The following LIFR variants were observed in gnomAD, a reference collection of about 807,000 sequenced individuals.
LIFR encodes LIF receptor subunit alpha.
Under a neutral mutation model 122.2 loss-of-function variants are expected in LIFR, and 84 were observed. The ratio of observed to expected loss-of-function variants is 0.69; its 90% CI spans 0.58 to 0.82. The LOEUF (loss-of-function observed/expected upper bound fraction) is 0.82. Ranked by LOEUF, LIFR falls within the 40% of genes least tolerant of loss-of-function variation. The pLI is 0.00. For synonymous variants in LIFR, 422 were observed against 434.7 expected (o/e 0.97, Z 0.36); for missense variants, 1,294 against 1,311.6 (o/e 0.99, Z 0.21).
At chr5:38,528,881 C>A in intron 2 of LIFR, 41 bp from the exon 3 acceptor site, 1 of 1,012,324 alleles carries the variant, frequency 9.9e-7, no homozygotes. Flanking sequence ...CACACACAGA[C>A]ACACATAAAC....
intron 6 of LIFR, among the ~76,000 whole-genome samples, chr5:38,511,045 T>C (rs1383608170): frequency 1.3e-5 from 2 of 152,168 alleles, no homozygotes; most frequent in Non-Finnish European, 2.9e-5. Flanking sequence ...AGTCTAAGGG[T>C]TGAAATTCAG....
Position 38,565,253 on chromosome 5 carries a change from A to G in LIFR, c.-20+30008T>C, listed in dbSNP as rs1037034. Among the ~76,000 whole-genome samples, 121 of 152,338 alleles carry G rather than the reference A, an allele frequency of 7.9e-4. 1 individual carries two copies. The highest frequency in any genetic ancestry group is 2.4e-3 in the African/African-American group (98 of 41,572). ...CAGATATAACAGTGAAAATTGTTCA[A>G]TGAAGATTCCTTTCCTGCAAGTGGT... On this transcript the variant is annotated intron_variant, in intron 1 of 19. Coordinates refer to the LIFR transcript ENST00000263409.
intron 2 of LIFR, among the ~76,000 whole-genome samples, chr5:38,601,648 C>T (rs920839099): frequency 6.6e-6 from 1 of 152,188 alleles, no homozygotes; most frequent in Non-Finnish European, 1.5e-5. Context: ...CCTCCTGGCT[C>T]CTTCCTCCAA....
At chr5:38,598,255 T>A (rs1302468697), upstream of LIFR, among the ~76,000 whole-genome samples, 1 of 57,372 alleles carries the variant, frequency 1.7e-5, no homozygotes, top group African/African-American at 1.1e-4. Flanking sequence ...ATTTTTTTTT[T>A]TTTTCTTTTT....
intron 4 of LIFR, among the ~76,000 whole-genome samples, 199 bp from the exon 5 acceptor site, chr5:38,523,781 T>C (rs1178177986): frequency 1.3e-5 from 2 of 152,156 alleles, no homozygotes; most frequent in African/African-American, 4.8e-5. Flanking sequence ...TAAAATGTCA[T>C]GGATATTTCA....
upstream of LIFR, among the ~76,000 whole-genome samples, chr5:38,559,332 A>G (rs1417686365): frequency 6.6e-6 from 1 of 152,214 alleles, no homozygotes; most frequent in Non-Finnish European, 1.5e-5. Flanking sequence ...TATGTTAGCA[A>G]TATTTGACCA....
chr5:38,582,438 G>A (rs6883402), intron 1 of LIFR, among the ~76,000 whole-genome samples: 17,796 of 152,032 alleles, frequency 0.12, 2,901 homozygotes, highest in African/African-American at 0.36. Context: ...TACTTACATC[G>A]TTTTCTTATT....
chr5:38,502,181 A>G (rs1175762492), intron 11 of LIFR, among the ~76,000 whole-genome samples: 3 of 152,180 alleles, frequency 2.0e-5, no homozygotes, highest in South Asian at 4.1e-4. Flanking sequence ...ATCATTTAAA[A>G]TATCTGTGAT....
In LIFR at chr5:38,479,371, T is replaced by C. The variant is rs1163332415; in HGVS notation, c.*2224A>G. ...TGAGTGATATTCTGCACTTTTTTCA[T>C]ACAGAAAAAAACAATGAAGTCTTGG... On this transcript the variant is annotated 3_prime_UTR_variant, in exon 20 of 20. Coordinates refer to ENST00000453190, the MANE Select transcript of LIFR (RefSeq NM_001127671.2). 8.7e-6 allele frequency: 2 copies of C among 230,178 alleles called. No individual in the cohort carries two copies. The highest frequency in any genetic ancestry group is 1.2e-4 in the East Asian group (2 of 16,276). 14.3% of individuals were successfully genotyped at this position (230,178 alleles called of 1,614,324 possible).
rs1351911069 is a variant in LIFR, at chr5:38,479,007, G to T, written c.*2588C>A. 2.2e-5 allele frequency: 5 copies of T among 231,408 alleles called. No homozygotes were observed. Among genetic ancestry groups the T allele is most frequent in the Non-Finnish European group, 4.3e-5 (5 of 116,932 alleles). 14.3% of individuals were successfully genotyped at this position (231,408 alleles called of 1,614,324 possible). A position where few individuals can be genotyped will look rare whatever the true frequency, so the allele number is the denominator to read the frequency against. Reference sequence around the variant, plus strand: ...GAGACCACCTTGTAAATGCAGGCATGCAACCTTCATTGACAAACAGCGCAC... The same window carrying T: ...GAGACCACCTTGTAAATGCAGGCATTCAACCTTCATTGACAAACAGCGCAC... On this transcript the variant is annotated 3_prime_UTR_variant, in exon 20 of 20. Coordinates refer to ENST00000453190, the MANE Select transcript of LIFR (RefSeq NM_001127671.2).
At chr5:38,548,757 T>G (rs990979961) in intron 1 of LIFR, among the ~76,000 whole-genome samples, 1 of 152,216 alleles carries the variant, frequency 6.6e-6, no homozygotes, top group East Asian at 1.9e-4. Flanking sequence ...GTATTGGCAA[T>G]GGAAGGCATT....
In LIFR at chr5:38,517,840, G is replaced by C. The variant is rs1746171802; in HGVS notation, c.561+5579C>G. Among the ~76,000 whole-genome samples, 3 of 57,764 alleles carry C rather than the reference G, an allele frequency of 5.2e-5. No individual in the cohort carries two copies. The Admixed American group carries it at 8.6e-4, about 16-fold the overall frequency. The allele number at this position is 57,764 out of a possible 152,430, so 37.9% of individuals were successfully genotyped here. A position where few individuals can be genotyped will look rare whatever the true frequency, so the allele number is the denominator to read the frequency against. Reference sequence around the variant, plus strand: ...CCACTGCACTCCAGCATGTGCAACAGAGCAAGACACTGTCTCAAAAAAAAA... The same window carrying C: ...CCACTGCACTCCAGCATGTGCAACACAGCAAGACACTGTCTCAAAAAAAAA... On this transcript the variant is annotated intron_variant, in intron 5 of 19. Coordinates refer to ENST00000453190, the MANE Select transcript of LIFR (RefSeq NM_001127671.2).
Position 38,481,586 on chromosome 5 carries a change from G to C in LIFR, c.*9C>G, listed in dbSNP as rs1743984823. The stretch of plus-strand genomic sequence containing the variant: ...TGAGATGGCTGACTGAAGTGACACG[G>C]TGACACTGTTAATCGTTTGGTTTGT... On this transcript the variant is annotated 3_prime_UTR_variant, in exon 20 of 20. Coordinates refer to ENST00000453190, the MANE Select transcript of LIFR (RefSeq NM_001127671.2). 6.2e-7 allele frequency: 1 copy of C among 1,613,960 alleles called. No individual in the cohort carries two copies. The highest frequency in any genetic ancestry group is 8.5e-7 in the Non-Finnish European group (1 of 1,179,950).
At chr5:38,553,858 A>T (rs1217730873) in intron 1 of LIFR, among the ~76,000 whole-genome samples, 9 of 151,418 alleles carry the variant, frequency 5.9e-5, no homozygotes, top group Non-Finnish European at 7.4e-5. Flanking sequence ...GAGCATGCTG[A>T]CGAGACCCCA....
In LIFR at chr5:38,530,512, TC is replaced by T; in HGVS notation, c.135del (p.Lys47ArgfsTer7). 1 of 1,612,494 alleles carries T rather than the reference TC, an allele frequency of 6.2e-7. No homozygotes were observed. The highest frequency in any genetic ancestry group is 8.5e-7 in the Non-Finnish European group (1 of 1,178,552). On this transcript the variant is annotated frameshift_variant, in exon 2 of 20. Coordinates refer to ENST00000453190, the MANE Select transcript of LIFR (RefSeq NM_001127671.2). LOFTEE classifies it high-confidence loss of function. ...GGAAGGCTGATGCACTTACCCTTTT[TC>T]TGGCTATTTACTTGATTCATTAGAT... ...LLYLMNQVNS[Q>X]KKGAPHDLKC...
chr5:38,486,327 AACC>A (rs1744285013), intron 16 of LIFR, among the ~76,000 whole-genome samples: 1 of 152,194 alleles, frequency 6.6e-6, no homozygotes, highest in Admixed American at 6.5e-5. Context: ...AAAGCATGAA[AACC>A]ACCACAACCA....
Position 38,511,843 on chromosome 5 carries a change from T to C in LIFR, c.683A>G (p.His228Arg), listed in dbSNP as rs752960217. ...VEIRCYIDNL[H>R]FSGLEEWSDW... Reference sequence around the variant, plus strand: ...ACTCCACTCTTCGAGACCAGAAAAATGAAGATTGTCAATGTAGCATCTAAT... The same window carrying C: ...ACTCCACTCTTCGAGACCAGAAAAACGAAGATTGTCAATGTAGCATCTAAT... Residue 228 changes from histidine to arginine, a missense_variant, in exon 6 of 20, where the codon CAT becomes CGT. Coordinates refer to ENST00000453190, the MANE Select transcript of LIFR (RefSeq NM_001127671.2). The C allele has an allele frequency of 6.8e-6, 11 of 1,614,068 alleles. No individual in the cohort carries two copies. The highest frequency in any genetic ancestry group is 1.1e-5 in the South Asian group (1 of 91,074).
In LIFR at chr5:38,496,545, C is replaced by T. The variant is rs200521119; in HGVS notation, c.1722G>A (p.Ser574=). ...ANGKILSYNV[S]CSSDEETQSL... is the part of the protein sequence containing the mutation. ...ACTGTGTTTCCTCATCTGATGAACA[C>T]GATACATTGTAGGAAAGTATTTTTC... The change falls in exon 13 of 20, where the codon TCG becomes TCA. Residue 574 remains serine, a synonymous_variant. Transcript: ENST00000453190. 8.6e-5 allele frequency: 138 copies of T among 1,613,820 alleles called. No individual in the cohort carries two copies. The East Asian group carries it at 1.8e-3, about 21-fold the overall frequency.
chr5:38,489,801 C>T (rs1463616945), intron 15 of LIFR, among the ~76,000 whole-genome samples: 1 of 146,010 alleles, frequency 6.8e-6, no homozygotes, highest in East Asian at 2.0e-4. Flanking sequence ...TGAGACCAGC[C>T]TGGGCAACAT....
Sources: gnomAD v4.1 joint callset for allele counts (sites outside exome capture counted in the v4.1 genomes callset) on GRCh38, gnomAD v4.1.1 for gene constraint, MANE v1.5 for transcripts, NCBI Gene and HGNC (gene_info 2026-07-23, HGNC 2026-07-21) for gene names.